The following NAA50 variants were observed in gnomAD, a reference collection of about 807,000 sequenced individuals.
NAA50 encodes N-alpha-acetyltransferase 50.
In NAA50, 7 loss-of-function variants were observed where a neutral mutation model predicts 20.7. The ratio of observed to expected loss-of-function variants is 0.34; its 90% confidence interval spans 0.19 to 0.63. The LOEUF (loss-of-function observed/expected upper bound fraction) is 0.63. Among genes scored for constraint, NAA50 ranks in the 30% least tolerant of loss-of-function variants. The pLI is 0.75. For missense variants in NAA50, 111 were observed against 199.1 expected (o/e 0.56, Z 2.66); for synonymous variants, 54 against 70.6 (o/e 0.77, Z 1.18).
chr3:113,728,464 G>C (rs1347895380), intron 1 of NAA50, among the ~76,000 whole-genome samples: 1 of 152,152 alleles, frequency 6.6e-6, no homozygotes. Flanking sequence ...GGTGACAATG[G>C]GAAACATTTT....
At position 113,746,214 on chromosome 3, in the gene NAA50, C is replaced by T; in HGVS notation, c.-265G>A. 2.0e-6 allele frequency: 1 copy of T among 499,122 alleles called. No individual in the cohort carries two copies. Among genetic ancestry groups the T allele is most frequent in the Non-Finnish European group, 3.5e-6 (1 of 283,938 alleles). 30.9% of individuals were successfully genotyped at this position (499,122 alleles called of 1,614,324 possible). ...GTCTCTCGGCTCCCTCCCGCCGCTG[C>T]CGCCAGCCAGACCCGCTGCCGCGCT... On this transcript the variant is annotated 5_prime_UTR_variant, in exon 1 of 5. Coordinates refer to ENST00000240922, the MANE Select transcript of NAA50 (RefSeq NM_025146.4).
intron 4 of NAA50, 130 bp downstream of exon 4, chr3:113,722,776 T>C (rs1203296670): frequency 9.1e-7 from 1 of 1,104,594 alleles, no homozygotes; most frequent in East Asian, 3.0e-5. Flanking sequence ...ACTACTCGAA[T>C]ACTTTGTAAC....
At chr3:113,744,260 G>T (rs1708459191) in intron 1 of NAA50, among the ~76,000 whole-genome samples, 1 of 152,030 alleles carries the variant, frequency 6.6e-6, no homozygotes. Flanking sequence ...TCAGGAGTTT[G>T]AGACCAGCCT....
At chr3:113,733,245 C>T (rs796424912) in intron 1 of NAA50, among the ~76,000 whole-genome samples, 32 of 152,098 alleles carry the variant, frequency 2.1e-4, no homozygotes, top group African/African-American at 7.5e-4. Flanking sequence ...TTTCTTACCA[C>T]GGTATCATAC....
intron 1 of NAA50, among the ~76,000 whole-genome samples, chr3:113,737,813 A>T (rs1708364294): frequency 6.6e-6 from 1 of 152,200 alleles, no homozygotes; most frequent in African/African-American, 2.4e-5. Flanking sequence ...CTGTTAGGAC[A>T]ACCAAAAGTG....
At chr3:113,743,914 CTG>C (rs1297085777) in intron 1 of NAA50, among the ~76,000 whole-genome samples, 1 of 152,196 alleles carries the variant, frequency 6.6e-6, no homozygotes, top group Non-Finnish European at 1.5e-5. Flanking sequence ...AATAATATGA[CTG>C]TTCAGCTTCA....
At position 113,718,335 on chromosome 3, in the gene NAA50, A is replaced by G. The variant is rs1328458118; in HGVS notation, c.*3425T>C. 3 of 151,738 alleles carry G rather than the reference A, an allele frequency of 2.0e-5. No individual in the cohort carries two copies. The highest frequency in any genetic ancestry group is 6.5e-5 in the Admixed American group (1 of 15,278). 9.4% of individuals were successfully genotyped at this position (151,738 alleles called of 1,614,324 possible). A position where few individuals can be genotyped will look rare whatever the true frequency, so the allele number is the denominator to read the frequency against. On this transcript the variant is annotated 3_prime_UTR_variant, in exon 5 of 5. Coordinates refer to ENST00000240922, the MANE Select transcript of NAA50 (RefSeq NM_025146.4). Reference sequence around the variant, plus strand: ...CTAACAGCTTGACTGCAACCTTCTGAGATCTCAAGACAGAACCACCCAGTT... The same window carrying G: ...CTAACAGCTTGACTGCAACCTTCTGGGATCTCAAGACAGAACCACCCAGTT...
At chr3:113,741,069 G>A in intron 1 of NAA50, 1 of 510,902 alleles carries the variant, frequency 2.0e-6, no homozygotes, top group Non-Finnish European at 3.9e-6. Flanking sequence ...TGAACAAGCT[G>A]TCCACATACA....
At chr3:113,723,835 C>T (rs1708166242) in intron 2 of NAA50, 124 bp downstream of exon 2, 2 of 1,111,318 alleles carry the variant, frequency 1.8e-6, no homozygotes, top group Non-Finnish European at 2.5e-6. Flanking sequence ...CTAGACCACT[C>T]CCATTTCCTC....
At chr3:113,733,479 C>T (rs919386617) in intron 1 of NAA50, among the ~76,000 whole-genome samples, 1 of 151,852 alleles carries the variant, frequency 6.6e-6, no homozygotes, top group Non-Finnish European at 1.5e-5. Context: ...AAAATAAGTA[C>T]AAACTGGATA....
intron 1 of NAA50, among the ~76,000 whole-genome samples, chr3:113,727,767 T>C (rs1708217570): frequency 6.6e-6 from 1 of 152,194 alleles, no homozygotes; most frequent in Non-Finnish European, 1.5e-5. Context: ...ATACACGCTT[T>C]AAACAAATTT....
chr3:113,729,400 A>G (rs1708241828), intron 1 of NAA50, among the ~76,000 whole-genome samples: 1 of 152,234 alleles, frequency 6.6e-6, no homozygotes, highest in East Asian at 1.9e-4. Context: ...AGAAAGCTTC[A>G]GGTATTTTCA....
At position 113,727,776 on chromosome 3, in the gene NAA50, T is replaced by G. The variant is rs551016846; in HGVS notation, c.9-3681A>C. On this transcript the variant is annotated intron_variant, in intron 1 of 4. Coordinates refer to ENST00000240922, the MANE Select transcript of NAA50 (RefSeq NM_025146.4). Reference sequence around the variant, plus strand: ...ATGTATATACACGCTTTAAACAAATTTGAGATTTAAGTATTGTTTGGTAGC... The same window carrying G: ...ATGTATATACACGCTTTAAACAAATGTGAGATTTAAGTATTGTTTGGTAGC... Among the ~76,000 whole-genome samples, 13 of 152,294 alleles carry G rather than the reference T, an allele frequency of 8.5e-5. No individual in the cohort carries two copies. In the East Asian group the frequency reaches 2.5e-3, roughly 29 times the overall value.
At chr3:113,734,434 T>G (rs866185561) in intron 1 of NAA50, among the ~76,000 whole-genome samples, 3 of 152,058 alleles carry the variant, frequency 2.0e-5, no homozygotes, top group African/African-American at 7.2e-5. Flanking sequence ...AACCGGTACA[T>G]GTACCCCCTG....
At chr3:113,736,839 T>G (rs1051174016) in intron 1 of NAA50, among the ~76,000 whole-genome samples, 2 of 152,196 alleles carry the variant, frequency 1.3e-5, no homozygotes, top group African/African-American at 2.4e-5. Context: ...GTGTGACTTT[T>G]TAAGTTATAT....
In NAA50 at chr3:113,722,043, C is replaced by T. The variant is rs141554451; in HGVS notation, c.333-106G>A. Reference sequence around the variant, plus strand: ...AACATCTGTTACATTCTCTTTACAACTACCAGTAATCAACAAGGGTTAGGC... The same window carrying T: ...AACATCTGTTACATTCTCTTTACAATTACCAGTAATCAACAAGGGTTAGGC... On this transcript the variant is annotated intron_variant, in intron 4 of 4. Coordinates refer to ENST00000240922, the MANE Select transcript of NAA50 (RefSeq NM_025146.4). 9,533 of 1,030,266 alleles carry T rather than the reference C, an allele frequency of 9.3e-3. 55 individuals carry two copies. Among genetic ancestry groups the T allele is most frequent in the Non-Finnish European group, 0.011 (7,578 of 720,484 alleles). The allele number at this position is 1,030,266 out of a possible 1,614,324, so 63.8% of individuals were successfully genotyped here. A position where few individuals can be genotyped will look rare whatever the true frequency, so the allele number is the denominator to read the frequency against.
rs1708135069 is a variant in NAA50, at chr3:113,721,481, GT to G, written c.*278del. 1 of 436,580 alleles carries G rather than the reference GT, an allele frequency of 2.3e-6. No individual in the cohort carries two copies. The highest frequency in any genetic ancestry group is 2.0e-5 in the African/African-American group (1 of 49,386). 27.0% of individuals were successfully genotyped at this position (436,580 alleles called of 1,614,324 possible). A position where few individuals can be genotyped will look rare whatever the true frequency, so the allele number is the denominator to read the frequency against. On this transcript the variant is annotated 3_prime_UTR_variant, in exon 5 of 5. Transcript: ENST00000240922. ...ATTTGAAATTATTTGACAATTAAAT[GT>G]TTAGGACCATCTAACTTCAACTGCA...
intron 1 of NAA50, chr3:113,724,730 TTGTAGTTCCCATAATTCCCA>T (rs1445500281): frequency 3.3e-5 from 5 of 152,196 alleles, no homozygotes; most frequent in African/African-American, 9.7e-5. Context: ...AAATTTCATC[TTGTAGTTCCCATAATTCCCA>T]TGTTGTGAGA....
In NAA50 at chr3:113,719,750, A is replaced by G. The variant is rs1210384410; in HGVS notation, c.*2010T>C. Reference sequence around the variant, plus strand: ...GTCATGAGGCAGCTATTAGGTTTTCAATAACCACATTTAGGGATACATTCA... The same window carrying G: ...GTCATGAGGCAGCTATTAGGTTTTCGATAACCACATTTAGGGATACATTCA... On this transcript the variant is annotated 3_prime_UTR_variant, in exon 5 of 5. Coordinates refer to ENST00000240922, the MANE Select transcript of NAA50 (RefSeq NM_025146.4). The G allele has an allele frequency of 6.6e-6, 1 of 152,636 alleles. No individual in the cohort carries two copies. Among genetic ancestry groups the G allele is most frequent in the Non-Finnish European group, 1.5e-5 (1 of 68,026 alleles). 9.5% of individuals were successfully genotyped at this position (152,636 alleles called of 1,614,324 possible). A position where few individuals can be genotyped will look rare whatever the true frequency, so the allele number is the denominator to read the frequency against.
Sources: allele counts gnomAD v4.1 joint callset (sites outside exome capture counted in the v4.1 genomes callset), GRCh38; gene constraint gnomAD v4.1.1; transcripts MANE v1.5; gene names NCBI Gene and HGNC (gene_info 2026-07-23, HGNC 2026-07-21).